The following ATF6 variants were observed in gnomAD, a reference collection of about 807,000 sequenced individuals.
ATF6 encodes the protein cyclic AMP-dependent transcription factor ATF-6 alpha.
Under a neutral mutation model 83.6 loss-of-function variants are expected in ATF6, and 53 were observed. That is an observed-to-expected ratio of 0.63 (90% CI 0.51 to 0.80). The LOEUF is 0.80. Ranked by LOEUF, ATF6 falls within the 30% of genes least tolerant of loss-of-function variation. The pLI is 0.00. For synonymous variants in ATF6, 288 were observed against 285.8 expected (o/e 1.01, Z -0.08); for missense variants, 744 against 797.9 (o/e 0.93, Z 0.81).
chr1:161,773,734 C>G (rs1684452779), intron 1 of ATF6, among the ~76,000 whole-genome samples: 1 of 152,110 alleles, frequency 6.6e-6, no homozygotes, highest in African/African-American at 2.4e-5. Context: ...CCATTATTTA[C>G]TACTGTTGAG....
chr1:161,854,847 C>G (rs1216804099), intron 12 of ATF6, among the ~76,000 whole-genome samples: 5 of 149,542 alleles, frequency 3.3e-5, no homozygotes, highest in African/African-American at 1.2e-4. Flanking sequence ...GCCTGGGTGA[C>G]AAAGCGAGAC....
chr1:161,790,685 T>G (rs1033734941), intron 4 of ATF6, among the ~76,000 whole-genome samples: 1 of 151,940 alleles, frequency 6.6e-6, no homozygotes, highest in Admixed American at 6.6e-5. Context: ...GTGGCACACA[T>G]CTGTGGTTGT....
At chr1:161,880,204 T>C (rs1414404080) in intron 14 of ATF6, among the ~76,000 whole-genome samples, 1 of 152,178 alleles carries the variant, frequency 6.6e-6, no homozygotes, top group Admixed American at 6.5e-5. Context: ...TGAAATTTTA[T>C]GTGCCATGCA....
intron 15 of ATF6, among the ~76,000 whole-genome samples, chr1:161,940,895 A>C (rs1688629924): frequency 6.6e-6 from 1 of 151,948 alleles, no homozygotes; most frequent in Non-Finnish European, 1.5e-5. Context: ...CCACCTCCCC[A>C]GGCTAGGTAG....
intron 9 of ATF6, among the ~76,000 whole-genome samples, chr1:161,844,982 C>T (rs192290353): frequency 2.0e-4 from 31 of 152,254 alleles, no homozygotes; most frequent in African/African-American, 7.5e-4. Flanking sequence ...AATATAGCCT[C>T]AGTTGTAGCA....
At chr1:161,941,705 T>C (rs1378599670) in intron 15 of ATF6, among the ~76,000 whole-genome samples, 2 of 152,168 alleles carry the variant, frequency 1.3e-5, no homozygotes, top group Admixed American at 1.3e-4. Context: ...AGGATTCCGG[T>C]GAGAAGTACT....
chr1:161,779,856 G>T (rs1438910502), intron 2 of ATF6, among the ~76,000 whole-genome samples: 1 of 151,962 alleles, frequency 6.6e-6, no homozygotes, highest in Non-Finnish European at 1.5e-5. Context: ...TCATGTCTCA[G>T]CCTCCTGAAT....
chr1:161,820,260 T>C (rs975776893), intron 8 of ATF6, among the ~76,000 whole-genome samples: 4 of 152,232 alleles, frequency 2.6e-5, no homozygotes, highest in Non-Finnish European at 5.9e-5. Flanking sequence ...TTCGGGAAAT[T>C]TGCTGTTTTC....
At chr1:161,811,428 T>C (rs1049811531) in intron 7 of ATF6, among the ~76,000 whole-genome samples, 12 of 152,332 alleles carry the variant, frequency 7.9e-5, no homozygotes, top group South Asian at 2.1e-4. Context: ...GAAAATGTCT[T>C]ATGGCTTCTT....
chr1:161,766,699 G>C (rs1219402283), intron 1 of ATF6, among the ~76,000 whole-genome samples: 2 of 152,202 alleles, frequency 1.3e-5, no homozygotes, highest in Non-Finnish European at 2.9e-5. Flanking sequence ...GAAGTACCGG[G>C]TGATCTTTTT....
intron 9 of ATF6, among the ~76,000 whole-genome samples, chr1:161,826,393 AGATT>A (rs1220297383): frequency 3.3e-5 from 5 of 152,212 alleles, no homozygotes; most frequent in Non-Finnish European, 7.3e-5. Flanking sequence ...TTTCCATGGT[AGATT>A]GATTGATTAT....
At chr1:161,844,193 G>A (rs531057750) in intron 9 of ATF6, among the ~76,000 whole-genome samples, 1 of 152,300 alleles carries the variant, frequency 6.6e-6, no homozygotes, top group South Asian at 2.1e-4. Flanking sequence ...AAGAAGTACT[G>A]TGGCCAATTC....
intron 15 of ATF6, among the ~76,000 whole-genome samples, chr1:161,928,629 A>T (rs55972328): frequency 0.66 from 99,912 of 150,596 alleles, 33,967 homozygotes; most frequent in Non-Finnish European, 0.75. Flanking sequence ...CTTTTTTTTA[A>T]AAAAAAAAGC....
intron 6 of ATF6, among the ~76,000 whole-genome samples, chr1:161,793,530 G>A (rs1158278203): frequency 1.3e-5 from 2 of 152,170 alleles, no homozygotes; most frequent in Non-Finnish European, 2.9e-5. Flanking sequence ...TTATTCTAGG[G>A]ATAGTCTCCA....
At chr1:161,867,200 C>T (rs9729115) in intron 14 of ATF6, among the ~76,000 whole-genome samples, 21,432 of 151,670 alleles carry the variant, frequency 0.14, 2,040 homozygotes, top group East Asian at 0.31. Context: ...GAGGCTGAGG[C>T]GGGAGAATGG....
rs35398462 is a variant in ATF6 at position 161,851,141 on chromosome 1, T to TACACACACACAC, written c.1320-562_1320-551dup. Among the ~76,000 whole-genome samples, 33 of 135,940 alleles carry TACACACACACAC rather than the reference T, an allele frequency of 2.4e-4. 1 individual carries two copies. Among genetic ancestry groups the TACACACACACAC allele is most frequent in the Middle Eastern group, 3.7e-3 (1 of 272 alleles). 89.2% of individuals were successfully genotyped at this position (135,940 alleles called of 152,430 possible). ...TTTATGTCTCACCCTATCCTTAACA[T>TACACACACACAC]ACACACACACACACACACACACACA... On this transcript the variant is annotated intron_variant, in intron 10 of 15. Coordinates refer to ENST00000367942, the MANE Select transcript of ATF6 (RefSeq NM_007348.4).
chr1:161,821,168 G>A lies in ATF6; in HGVS notation c.1187+7G>A. On this transcript the variant is annotated splice_region_variant and intron_variant, in intron 9 of 15. Transcript: ENST00000367942. ...TGAACTATGGACCTATGAGGTAAGTGAATAGATATTTATTTTGGACACTAA... is the reference window on the plus strand; with the variant it reads ...TGAACTATGGACCTATGAGGTAAGTAAATAGATATTTATTTTGGACACTAA... The A allele has an allele frequency of 4.5e-6, 7 of 1,564,106 alleles. No homozygotes were observed. The highest frequency in any genetic ancestry group is 5.2e-6 in the Non-Finnish European group (6 of 1,146,750).
chr1:161,831,205 C>G (rs1205235003), intron 9 of ATF6, among the ~76,000 whole-genome samples: 13 of 152,212 alleles, frequency 8.5e-5, no homozygotes, highest in Admixed American at 5.2e-4. Context: ...TGCTCATCAT[C>G]ACTGGCCATC....
At chr1:161,907,173 G>A (rs942254690) in intron 14 of ATF6, among the ~76,000 whole-genome samples, 5 of 152,102 alleles carry the variant, frequency 3.3e-5, no homozygotes, top group African/African-American at 1.2e-4. Flanking sequence ...AACTCTGAAA[G>A]GCCTACTTCT....
Sources: gnomAD v4.1 joint callset for allele counts (sites outside exome capture counted in the v4.1 genomes callset) on GRCh38, gnomAD v4.1.1 for gene constraint, MANE v1.5 for transcripts, NCBI Gene and HGNC (gene_info 2026-07-23, HGNC 2026-07-21) for gene names.